MACO1: variants seen among roughly 807,000 people sequenced by gnomAD.
The protein encoded by MACO1 is macoilin.
Under a neutral mutation model 78.7 loss-of-function variants are expected in MACO1, and 14 were observed. The ratio of observed to expected loss-of-function variants is 0.18; its 90% CI spans 0.12 to 0.28. The LOEUF is 0.28. MACO1 is among the 10% of genes least tolerant of loss of function. The probability of loss-of-function intolerance (pLI) is 1.00; values close to 1 mark genes in which losing one functional copy is unlikely to be tolerated. For synonymous variants in MACO1, 288 were observed against 291.6 expected (o/e 0.99, Z 0.12); for missense variants, 501 against 799.0 (o/e 0.63, Z 4.50).
Position 25,489,238 on chromosome 1 carries a change from C to T in MACO1, c.1562C>T (p.Thr521Met), listed in dbSNP as rs774459628. 1.5e-5 allele frequency: 25 copies of T among 1,613,846 alleles called. No individual in the cohort carries two copies. Among genetic ancestry groups the T allele is most frequent in the Middle Eastern group, 1.6e-4 (1 of 6,084 alleles). Residue 521 changes from threonine (T) to methionine (M), a missense_variant, in exon 9 of 11, where the codon ACG becomes ATG. This residue lies in a region of MACO1 where 163 missense variants were observed against 271.9 expected (regional missense o/e 0.60). Transcript: ENST00000374343. ...RELEAEGKKL[T>M]MDMKVKEDQI... ...CTAGAAGCAGAGGGCAAGAAGCTCACGATGGACATGAAGGTGAAAGAAGAC... is the reference window on the plus strand; with the variant it reads ...CTAGAAGCAGAGGGCAAGAAGCTCATGATGGACATGAAGGTGAAAGAAGAC...
In MACO1 at chr1:25,448,843, G is replaced by A. The variant is rs61742562; in HGVS notation, c.258G>A (p.Thr86=). Residue 86 remains threonine, a synonymous_variant, in exon 3 of 11, where the codon ACG becomes ACA. Coordinates refer to ENST00000374343, the MANE Select transcript of MACO1 (RefSeq NM_018202.6). ...TATTTTTTGTTTGTGTAGCATTCACGTCAAATATAATATGCCTGCTGTTCA... is the reference window on the plus strand; with the variant it reads ...TATTTTTTGTTTGTGTAGCATTCACATCAAATATAATATGCCTGCTGTTCA... ...FSVFFVCVAF[T]SNIICLLFIP... is the part of the protein sequence containing the mutation. 2.5e-5 allele frequency: 39 copies of A among 1,558,286 alleles called. No individual in the cohort carries two copies. The African/African-American group carries it at 3.0e-4, about 12-fold the overall frequency.
chr1:25,484,223 T>A lies in MACO1; in HGVS notation c.1262T>A (p.Ile421Asn). The change falls in exon 7 of 11, where the codon ATC (isoleucine) becomes AAC (asparagine). Residue 421 changes from isoleucine to asparagine, a missense_variant. Physicochemically the swap from Ile to Asn is moderately radical, Grantham distance 149 (BLOSUM62 -3). Coordinates refer to ENST00000374343, the MANE Select transcript of MACO1 (RefSeq NM_018202.6). ...ISSLSSTERG[I>N]RSEMGQLRQE... ...TCCCTTTCGAGCACCGAGCGAGGGA[T>A]CCGCTCAGAAATGGGCCAGCTTCGG... 3 of 1,613,880 alleles carry A rather than the reference T, an allele frequency of 1.9e-6. No individual in the cohort carries two copies. The highest frequency in any genetic ancestry group is 2.5e-6 in the Non-Finnish European group (3 of 1,179,974).
rs1034610306 is a variant in MACO1, at chr1:25,488,302, T to A, written c.1497-871T>A. ...CTGGGCTCAAGCAGTCCTCCCACCT[T>A]GGCCTTGGGAGTGCTGGGATTACGG... On this transcript the variant is annotated intron_variant, in intron 8 of 10. Coordinates refer to ENST00000374343, the MANE Select transcript of MACO1 (RefSeq NM_018202.6). Among the ~76,000 whole-genome samples the A allele has an allele frequency of 1.5e-4, 23 of 152,228 alleles. No homozygotes were observed. The East Asian group carries it at 4.4e-3, about 29-fold the overall frequency.
At chr1:25,451,464 TTTTTTC>T (rs1383987795) in intron 3 of MACO1, among the ~76,000 whole-genome samples, 1 of 152,188 alleles carries the variant, frequency 6.6e-6, no homozygotes, top group Non-Finnish European at 1.5e-5. Context: ...ATTTTTCTAT[TTTTTTC>T]TGTAATGTGC....
intron 3 of MACO1, among the ~76,000 whole-genome samples, chr1:25,451,354 T>C (rs1557661810): frequency 6.6e-6 from 1 of 152,188 alleles, no homozygotes; most frequent in Non-Finnish European, 1.5e-5. Context: ...AAAAACAGGA[T>C]ATAAAACTGT....
In MACO1 at chr1:25,463,097, C is replaced by T. The variant is rs575373625; in HGVS notation, c.1154+4205C>T. Among the ~76,000 whole-genome samples, 207 of 152,278 alleles carry T rather than the reference C, an allele frequency of 1.4e-3. 1 individual carries two copies. In the Middle Eastern group the frequency reaches 0.017, roughly 13 times the overall value. ...GCTGACGTCCATCATATAGTAGTCA[C>T]TTGTTTTGACGATCTTTCCCCCTTA... is the stretch of plus-strand genomic sequence containing the variant. On this transcript the variant is annotated intron_variant, in intron 6 of 10. Coordinates refer to ENST00000374343, the MANE Select transcript of MACO1 (RefSeq NM_018202.6).
chr1:25,453,186 A>G (rs1342846274), intron 3 of MACO1, among the ~76,000 whole-genome samples: 1 of 149,260 alleles, frequency 6.7e-6, no homozygotes, highest in African/African-American at 2.5e-5. Context: ...TTGTATTTTT[A>G]GTAGAAACAG....
At chr1:25,462,570 T>A (rs574282762) in intron 6 of MACO1, among the ~76,000 whole-genome samples, 2 of 152,328 alleles carry the variant, frequency 1.3e-5, no homozygotes, top group South Asian at 4.1e-4. Context: ...ACCAGTACTA[T>A]ATTAACTAAC....
intron 6 of MACO1, among the ~76,000 whole-genome samples, chr1:25,470,245 C>T (rs1207685776): frequency 6.6e-6 from 1 of 152,198 alleles, no homozygotes; most frequent in African/African-American, 2.4e-5. Flanking sequence ...ATGCTATTTA[C>T]TATCTATCTT....
intron 8 of MACO1, among the ~76,000 whole-genome samples, chr1:25,486,452 A>G (rs1197075283): frequency 6.6e-6 from 1 of 152,074 alleles, no homozygotes; most frequent in African/African-American, 2.4e-5. Flanking sequence ...CTTCTACTTC[A>G]CTTATCACTT....
chr1:25,489,542 AT>A (rs2043465777), intron 9 of MACO1, among the ~76,000 whole-genome samples: 1 of 152,172 alleles, frequency 6.6e-6, no homozygotes, highest in Non-Finnish European at 1.5e-5. Flanking sequence ...TTATACCAGG[AT>A]TTAACTTGCT....
chr1:25,481,341 A>T (rs1276177756), intron 6 of MACO1, among the ~76,000 whole-genome samples: 2 of 152,166 alleles, frequency 1.3e-5, no homozygotes, highest in Admixed American at 1.3e-4. Flanking sequence ...CAGGCCTAGA[A>T]ATCCTAGCCC....
intron 2 of MACO1, among the ~76,000 whole-genome samples, chr1:25,447,944 G>C (rs2043030361): frequency 6.6e-6 from 1 of 152,172 alleles, no homozygotes; most frequent in South Asian, 2.1e-4. Flanking sequence ...GCTTTAAAAA[G>C]ATAGTTTCGG....
intron 1 of MACO1, among the ~76,000 whole-genome samples, chr1:25,444,783 C>A (rs2043001409): frequency 6.6e-6 from 1 of 151,994 alleles, no homozygotes; most frequent in Non-Finnish European, 1.5e-5. Context: ...GATGGGGTCT[C>A]ACTATGTTGC....
intron 6 of MACO1, among the ~76,000 whole-genome samples, chr1:25,468,451 C>T (rs2043237997): frequency 1.3e-5 from 2 of 152,278 alleles, no homozygotes; most frequent in South Asian, 2.1e-4. Context: ...CTCATTCTTG[C>T]TTCGAAGGCC....
In MACO1 at chr1:25,499,653, A is replaced by T. The variant is rs1295057341; in HGVS notation, c.*1187A>T. 1 of 112,118 alleles carries T rather than the reference A, an allele frequency of 8.9e-6. No homozygotes were observed. Among genetic ancestry groups the T allele is most frequent in the East Asian group, 3.0e-4 (1 of 3,306 alleles). The allele number at this position is 112,118 out of a possible 1,614,324, so 6.9% of individuals were successfully genotyped here. Reference sequence around the variant, plus strand: ...TACATGGGTAGAAAAGTGTTTGCACAGGCAACTTTTGGAAGTGTTTAAGAA... The same window carrying T: ...TACATGGGTAGAAAAGTGTTTGCACTGGCAACTTTTGGAAGTGTTTAAGAA... On this transcript the variant is annotated 3_prime_UTR_variant, in exon 11 of 11. Transcript: ENST00000374343.
At chr1:25,495,834 C>T (rs1044637696) in intron 10 of MACO1, among the ~76,000 whole-genome samples, 5 of 152,104 alleles carry the variant, frequency 3.3e-5, no homozygotes, top group African/African-American at 1.2e-4. Flanking sequence ...TGATGGCACA[C>T]GCCTGTAACC....
At chr1:25,440,147 G>A (rs887245657) in intron 1 of MACO1, among the ~76,000 whole-genome samples, 7 of 151,320 alleles carry the variant, frequency 4.6e-5, no homozygotes, top group African/African-American at 1.7e-4. Flanking sequence ...CAACACTTTG[G>A]GAGGTCAAGG....
chr1:25,454,783 G>T (rs570407777), intron 4 of MACO1, among the ~76,000 whole-genome samples: 27 of 152,066 alleles, frequency 1.8e-4, no homozygotes, highest in African/African-American at 6.5e-4. Context: ...CACCCAGCCA[G>T]TATTATATAT....
Sources: allele counts gnomAD v4.1 joint callset (sites outside exome capture counted in the v4.1 genomes callset), GRCh38; gene constraint gnomAD v4.1.1; regional missense constraint gnomAD v4.1.1; transcripts MANE v1.5; gene names NCBI Gene and HGNC (gene_info 2026-07-23, HGNC 2026-07-21).